Variants in TMEM130 observed in about 807,000 individuals in gnomAD.
TMEM130 encodes transmembrane protein 130.
A neutral mutation model predicts 42.9 loss-of-function variants in TMEM130; 37 were observed. That is an observed-to-expected ratio of 0.86 (90% CI 0.66 to 1.13). The LOEUF is 1.13. Ranked by LOEUF, TMEM130 falls within the 50% of genes most tolerant of loss-of-function variation. The pLI, the probability that TMEM130 is intolerant of heterozygous loss-of-function variation, is 0.00. For synonymous variants in TMEM130, 259 were observed against 237.7 expected (o/e 1.09, Z -0.82); for missense variants, 545 against 562.6 (o/e 0.97, Z 0.32).
chr7:98,856,044 C>T lies in TMEM130; in HGVS notation c.691G>A (p.Asp231Asn), dbSNP rs781970636. Residue 231 changes from aspartate to asparagine, a missense_variant, in exon 4 of 8, where the codon GAC (aspartate) becomes AAC (asparagine). Asp to Asn is a conservative substitution (Grantham distance 23, BLOSUM62 1). Transcript: ENST00000339375. ...TGCAGCTTCAGCGAGGCGGAGAAGT[C>T]CCCGGTCTTCTGCTTCACAGCCCTC... The part of the protein sequence containing the change: ...ATRAVKQKTG[D>N]FSASLKLQET... The T allele has an allele frequency of 6.2e-7, 1 of 1,613,474 alleles. No homozygotes were observed. Among genetic ancestry groups the T allele is most frequent in the Non-Finnish European group, 8.5e-7 (1 of 1,180,030 alleles).
intron 6 of TMEM130, among the ~76,000 whole-genome samples, chr7:98,851,121 T>C (rs1554398131): frequency 2.6e-5 from 4 of 152,026 alleles, no homozygotes; most frequent in Non-Finnish European, 5.9e-5. Flanking sequence ...TGGTTACAGT[T>C]GTTAGTGGTG....
At chr7:98,850,273 A>ATATATATTT in intron 6 of TMEM130, among the ~76,000 whole-genome samples, 8 of 35,410 alleles carry the variant, frequency 2.3e-4, no homozygotes, top group East Asian at 7.7e-4. Flanking sequence ...ATATATATAT[A>ATATATATTT]TTTTTTTTTT....
intron 3 of TMEM130, among the ~76,000 whole-genome samples, chr7:98,857,069 G>A (rs782767254): frequency 8.7e-4 from 132 of 151,970 alleles, no homozygotes; most frequent in Admixed American, 5.7e-3. Context: ...CTACAGGCAC[G>A]TGCCACCATC....
At chr7:98,851,191 G>C (rs782092879) in intron 6 of TMEM130, among the ~76,000 whole-genome samples, 18 of 152,250 alleles carry the variant, frequency 1.2e-4, no homozygotes, top group Admixed American at 2.0e-4. Flanking sequence ...TGACAGAGTT[G>C]GTTGCTGGTG....
chr7:98,851,547 C>T lies in TMEM130; in HGVS notation c.880G>A (p.Val294Met), dbSNP rs141333258. The change falls in exon 6 of 8, where the codon GTG becomes ATG. Residue 294 changes from valine (V) to methionine (M), a missense_variant. Physicochemically the swap from Val to Met is conservative, Grantham distance 21 (BLOSUM62 1). Coordinates refer to ENST00000339375, the MANE Select transcript of TMEM130 (RefSeq NM_152913.3). ...GTCAGGTTGTACGCTGTGCTGGCCACGGACACAGGGTGGCACTCCCCTTCC... is the reference window on the plus strand; with the variant it reads ...GTCAGGTTGTACGCTGTGCTGGCCATGGACACAGGGTGGCACTCCCCTTCC... ...LEEGECHPVSVASTAYNLTHT... is the reference protein window; with the variant it reads ...LEEGECHPVSMASTAYNLTHT... 435 of 1,614,056 alleles carry T rather than the reference C, an allele frequency of 2.7e-4. 1 individual carries two copies. Among genetic ancestry groups the T allele is most frequent in the Middle Eastern group, 1.3e-3 (8 of 6,062 alleles).
chr7:98,867,458 C>T (rs1794933631), intron 1 of TMEM130, among the ~76,000 whole-genome samples: 1 of 152,166 alleles, frequency 6.6e-6, no homozygotes, highest in African/African-American at 2.4e-5. Flanking sequence ...CCTGGCACCC[C>T]TCTCCTCCCC....
At chr7:98,848,440 T>C in intron 7 of TMEM130, 143 bp downstream of exon 7, 1 of 758,530 alleles carries the variant, frequency 1.3e-6, no homozygotes, top group Non-Finnish European at 2.2e-6. Flanking sequence ...CAGATGCCTC[T>C]TGGGCACATC....
intron 7 of TMEM130, 72 bp downstream of exon 7, chr7:98,848,511 C>T (rs189153840): frequency 2.6e-4 from 298 of 1,135,368 alleles, no homozygotes; most frequent in Admixed American, 4.9e-4. Flanking sequence ...CTGGCCTGGC[C>T]CCCATACCCT....
intron 6 of TMEM130, among the ~76,000 whole-genome samples, chr7:98,850,273 A>ATATATATATATATTTTTTTTTTTTTTTTT: frequency 8.2e-4 from 29 of 35,384 alleles, no homozygotes; most frequent in Admixed American, 1.7e-3. Flanking sequence ...ATATATATAT[A>ATATATATATATATTTTTTTTTTTTTTTTT]TTTTTTTTTT....
At chr7:98,862,427 A>T (rs1173064141) in intron 2 of TMEM130, among the ~76,000 whole-genome samples, 1 of 151,786 alleles carries the variant, frequency 6.6e-6, no homozygotes, top group East Asian at 1.9e-4. Flanking sequence ...ACAGAAAAGA[A>T]AGGGGAGAAA....
At chr7:98,850,568 C>T (rs944041243) in intron 6 of TMEM130, among the ~76,000 whole-genome samples, 6 of 151,874 alleles carry the variant, frequency 4.0e-5, no homozygotes, top group South Asian at 2.1e-4. Flanking sequence ...CACGAGCCAC[C>T]GCATCTGTCC....
intron 7 of TMEM130, 162 bp from the exon 8 acceptor site, chr7:98,848,370 A>G: frequency 1.2e-6 from 1 of 853,908 alleles, no homozygotes; most frequent in Non-Finnish European, 1.8e-6. Context: ...CACAGATGCA[A>G]GAGATGGATA....
chr7:98,848,569 C>T lies in TMEM130; in HGVS notation c.1119+14G>A. ...AGGCCCAGTAGTCCAGCCCCCACCC[C>T]ACTGAGTACCCACCTCCACCATGTC... On this transcript the variant is annotated intron_variant, in intron 7 of 7. Coordinates refer to ENST00000339375, the MANE Select transcript of TMEM130 (RefSeq NM_152913.3). The T allele has an allele frequency of 6.4e-7, 1 of 1,567,702 alleles. No individual in the cohort carries two copies. Among genetic ancestry groups the T allele is most frequent in the Non-Finnish European group, 8.8e-7 (1 of 1,137,638 alleles).
chr7:98,850,273 AT>A lies in TMEM130; in HGVS notation c.1006+1147del, dbSNP rs1554398023. Among the ~76,000 whole-genome samples, 72 of 35,472 alleles carry A rather than the reference AT, an allele frequency of 2.0e-3. 5 individuals are homozygous for A. The highest frequency in any genetic ancestry group is 3.2e-3 in the Non-Finnish European group (51 of 15,812). 23.3% of individuals were successfully genotyped at this position (35,472 alleles called of 152,430 possible). ...CTCATATATATATATATATATATAT[AT>A]TTTTTTTTTTTTTTAATTTTTTGAG... On this transcript the variant is annotated intron_variant, in intron 6 of 7. Transcript: ENST00000339375.
chr7:98,860,467 G>T (rs1794746399), intron 2 of TMEM130, 129 bp from the exon 3 acceptor site: 3 of 956,452 alleles, frequency 3.1e-6, no homozygotes, highest in Non-Finnish European at 4.6e-6. Context: ...TCAGAGCTAG[G>T]CAGGGAGAGG....
chr7:98,854,042 GTT>G (rs11297042), intron 5 of TMEM130, among the ~76,000 whole-genome samples: 40 of 105,554 alleles, frequency 3.8e-4, no homozygotes, highest in Non-Finnish European at 5.0e-4. Flanking sequence ...GTTTTTTTTT[GTT>G]TTTTTTTTTT....
Position 98,853,268 on chromosome 7 carries a change from C to A in TMEM130, c.804-1645G>T, listed in dbSNP as rs528098566. On this transcript the variant is annotated intron_variant, in intron 5 of 7. Coordinates refer to ENST00000339375, the MANE Select transcript of TMEM130 (RefSeq NM_152913.3). ...ACAGTTCATCTTCCTCTTCCCCTGGCCTGCATTGCTCACTCTCTGTCTGGC... is the reference window on the plus strand; with the variant it reads ...ACAGTTCATCTTCCTCTTCCCCTGGACTGCATTGCTCACTCTCTGTCTGGC... 2.6e-5 allele frequency among the ~76,000 whole-genome samples: 4 copies of A among 152,294 alleles called. No individual in the cohort carries two copies. The South Asian group carries it at 6.2e-4, about 24-fold the overall frequency.
At chr7:98,859,286 A>G (rs1205644080) in intron 3 of TMEM130, among the ~76,000 whole-genome samples, 1 of 151,930 alleles carries the variant, frequency 6.6e-6, no homozygotes, top group Non-Finnish European at 1.5e-5. Flanking sequence ...AAGGGGAAAA[A>G]AGACAAAAAG....
intron 6 of TMEM130, among the ~76,000 whole-genome samples, chr7:98,849,083 G>A (rs536572190): frequency 1.2e-4 from 19 of 152,222 alleles, no homozygotes; most frequent in Admixed American, 3.3e-4. Flanking sequence ...TTGCTCTCTC[G>A]GGTGACACAC....
Sources: allele counts gnomAD v4.1 joint callset (sites outside exome capture counted in the v4.1 genomes callset), GRCh38; gene constraint gnomAD v4.1.1; transcripts MANE v1.5; gene names NCBI Gene and HGNC (gene_info 2026-07-23, HGNC 2026-07-21).